The following SATB2 variants were observed in gnomAD, a reference collection of about 807,000 sequenced individuals.
The protein encoded by SATB2 is SATB homeobox 2.
In SATB2, 1 loss-of-function variant was observed where a neutral mutation model predicts 73.4. The ratio of observed to expected loss-of-function variants is 0.01; its 90% CI spans 0.00 to 0.06. The LOEUF (loss-of-function observed/expected upper bound fraction) is 0.06. Ranked by LOEUF, SATB2 falls within the 10% of genes least tolerant of loss-of-function variation. The pLI, the probability that SATB2 is intolerant of heterozygous loss-of-function variation, is 1.00. For synonymous variants in SATB2, 397 were observed against 367.0 expected, an observed-to-expected ratio of 1.08 and a Z score of -0.93; for missense variants, 459 against 945.8, an observed-to-expected ratio of 0.49 and a Z score of 6.75.
At chr2:199,399,438 C>T (rs538777541) in intron 3 of SATB2, among the ~76,000 whole-genome samples, 1 of 152,282 alleles carries the variant, frequency 6.6e-6, no homozygotes, top group South Asian at 2.1e-4. Flanking sequence ...AAAGACCCTG[C>T]ATTTGTAAGT....
At chr2:199,292,818 T>C (rs1692909811) in intron 10 of SATB2, among the ~76,000 whole-genome samples, 1 of 152,182 alleles carries the variant, frequency 6.6e-6, no homozygotes, top group Admixed American at 6.5e-5. Context: ...TTAAATGCTG[T>C]CAAAGTAGAT....
intron 9 of SATB2, among the ~76,000 whole-genome samples, chr2:199,318,671 A>G (rs1009668236): frequency 2.0e-5 from 3 of 152,076 alleles, no homozygotes; most frequent in South Asian, 2.1e-4. Context: ...ATTTTTTAAA[A>G]TGAGGCTGTT....
At chr2:199,383,501 T>C (rs1233255994) in intron 3 of SATB2, among the ~76,000 whole-genome samples, 2 of 152,170 alleles carry the variant, frequency 1.3e-5, no homozygotes, top group Non-Finnish European at 2.9e-5. Context: ...AATTTTAAAT[T>C]CCTTTCAAAA....
intron 2 of SATB2, among the ~76,000 whole-genome samples, chr2:199,437,851 T>G (rs1364502297): frequency 6.6e-6 from 1 of 152,190 alleles, no homozygotes; most frequent in Admixed American, 6.5e-5. Context: ...TTCACGATAC[T>G]AAAAGGCATT....
chr2:199,435,585 C>T (rs1356331454), intron 2 of SATB2, among the ~76,000 whole-genome samples: 1 of 152,128 alleles, frequency 6.6e-6, no homozygotes, highest in Non-Finnish European at 1.5e-5. Context: ...CTCAGGTGAT[C>T]CACCTGCCTT....
At chr2:199,317,855 A>G (rs1427748696) in intron 9 of SATB2, among the ~76,000 whole-genome samples, 5 of 152,130 alleles carry the variant, frequency 3.3e-5, no homozygotes, top group Middle Eastern at 3.4e-3. Context: ...TGTTCACACC[A>G]CTTAGTTTGG....
intron 7 of SATB2, among the ~76,000 whole-genome samples, chr2:199,342,265 G>T (rs952055708): frequency 6.6e-6 from 1 of 152,012 alleles, no homozygotes; most frequent in African/African-American, 2.4e-5. Context: ...GTGGCCACAG[G>T]TTAAAGTGCT....
rs1161358585 is a variant in SATB2 at position 199,457,144 on chromosome 2, G to T, written c.-60+195C>A. On this transcript the variant is annotated intron_variant, in intron 1 of 10. Coordinates refer to ENST00000417098, the MANE Select transcript of SATB2 (RefSeq NM_001172509.2). The surrounding 1 kb of genome is among the most constrained non-coding windows in gnomAD (Gnocchi z 4.8). ...GCGCCACGGGTCAAGGAGACAAGGT[G>T]GGGGTGGCAGGGGGAGGTGAAAGGA... Among the ~76,000 whole-genome samples, 1 of 152,346 alleles carries T rather than the reference G, an allele frequency of 6.6e-6. No homozygotes were observed. The highest frequency in any genetic ancestry group is 3.4e-3 in the Middle Eastern group (1 of 294).
chr2:199,380,571 T>C (rs1559016902), intron 4 of SATB2, 84 bp from the exon 5 acceptor site: 4 of 1,519,564 alleles, frequency 2.6e-6, no homozygotes, highest in Non-Finnish European at 2.7e-6. Flanking sequence ...CAGCCATTCT[T>C]GGGTCTTGTG....
At chr2:199,313,501 T>C (rs1239703081) in intron 9 of SATB2, among the ~76,000 whole-genome samples, 1 of 152,114 alleles carries the variant, frequency 6.6e-6, no homozygotes, top group Admixed American at 6.6e-5. Flanking sequence ...ATTTTAGCCA[T>C]CTCATCAGCC....
At chr2:199,329,428 CAAA>C (rs5837677) in intron 7 of SATB2, 292 of 126,074 alleles carry the variant, frequency 2.3e-3, no homozygotes, top group South Asian at 5.7e-3. Flanking sequence ...ATTTCTTATG[CAAA>C]AAAAAAAAAA....
At chr2:199,285,131 T>A (rs184386870) in intron 10 of SATB2, among the ~76,000 whole-genome samples, 1 of 152,248 alleles carries the variant, frequency 6.6e-6, no homozygotes, top group East Asian at 1.9e-4. Context: ...TATGGTAATA[T>A]TCATAAATAT....
At chr2:199,300,016 C>A (rs1687233729) in intron 10 of SATB2, among the ~76,000 whole-genome samples, 1 of 152,078 alleles carries the variant, frequency 6.6e-6, no homozygotes, top group African/African-American at 2.4e-5. Flanking sequence ...GCACTTTCTA[C>A]CGTAGTCTCT....
At chr2:199,394,505 G>A (rs1292472688) in intron 3 of SATB2, among the ~76,000 whole-genome samples, 1 of 152,060 alleles carries the variant, frequency 6.6e-6, no homozygotes, top group African/African-American at 2.4e-5. Context: ...TAGAAAAAAG[G>A]CTGTGGGCCA....
chr2:199,399,337 A>T (rs1470703949), intron 3 of SATB2, among the ~76,000 whole-genome samples: 2 of 152,166 alleles, frequency 1.3e-5, no homozygotes, highest in Non-Finnish European at 2.9e-5. Context: ...TTCATGTTTG[A>T]TCAGGTAAAG....
chr2:199,444,802 T>G (rs565813153), intron 2 of SATB2, among the ~76,000 whole-genome samples: 1 of 152,208 alleles, frequency 6.6e-6, no homozygotes, highest in Non-Finnish European at 1.5e-5. Flanking sequence ...ATGGAGATGA[T>G]AGAAGAAACT....
chr2:199,414,972 C>CA (rs1276276245), intron 3 of SATB2, among the ~76,000 whole-genome samples: 1 of 152,074 alleles, frequency 6.6e-6, no homozygotes, highest in Non-Finnish European at 1.5e-5. Context: ...AAGGCCACCC[C>CA]ACATGCAGCA....
In SATB2 at chr2:199,299,235, C is replaced by T. The variant is rs1046806383; in HGVS notation, c.1740+9525G>A. On this transcript the variant is annotated intron_variant, in intron 10 of 10. Coordinates refer to ENST00000417098, the MANE Select transcript of SATB2 (RefSeq NM_001172509.2). ...CACTTATTATCTATCTGTTTTCCAT[C>T]AAAACTATTTTTTAAAATGCCACTT... 2.6e-5 allele frequency among the ~76,000 whole-genome samples: 4 copies of T among 152,244 alleles called. No homozygotes were observed. The East Asian group carries it at 7.7e-4, about 29-fold the overall frequency.
chr2:199,320,487 G>C (rs1003417433), intron 9 of SATB2, among the ~76,000 whole-genome samples: 11 of 152,146 alleles, frequency 7.2e-5, no homozygotes, highest in Non-Finnish European at 1.5e-5. Context: ...GGGCCTGATA[G>C]AAGATACCTA....
Sources: allele counts gnomAD v4.1 joint callset (sites outside exome capture counted in the v4.1 genomes callset), GRCh38; gene constraint gnomAD v4.1.1; non-coding constraint Gnocchi (gnomAD v3.1); transcripts MANE v1.5; gene names NCBI Gene and HGNC (gene_info 2026-07-23, HGNC 2026-07-21).